Variants in CSMD1 observed in about 807,000 individuals in gnomAD.
The protein encoded by CSMD1 is CUB and Sushi multiple domains 1, also known as CUB and sushi domain-containing protein 1.
Under a neutral mutation model 417.5 loss-of-function variants are expected in CSMD1, and 213 were observed. The ratio of observed to expected loss-of-function variants is 0.51; its 90% confidence interval spans 0.46 to 0.57. CSMD1 has a LOEUF of 0.57. Among genes scored for constraint, CSMD1 ranks in the 20% least tolerant of loss-of-function variants. The pLI is 0.00. For missense variants in CSMD1, 6,923 were observed against 4,529.7 expected, an observed-to-expected ratio of 1.53 and a Z score of -15.17; for synonymous variants, 2,862 against 1,736.8, an observed-to-expected ratio of 1.65 and a Z score of -16.11.
At chr8:4,385,165 G>A (rs1392795251) in intron 3 of CSMD1, among the ~76,000 whole-genome samples, 3 of 42,828 alleles carry the variant, frequency 7.0e-5, no homozygotes, top group African/African-American at 1.8e-4. Flanking sequence ...GACCTCAGGT[G>A]ATCCTCCCCG....
intron 1 of CSMD1, among the ~76,000 whole-genome samples, chr8:4,992,587 C>A (rs1811530112): frequency 6.6e-6 from 1 of 152,200 alleles, no homozygotes; most frequent in Non-Finnish European, 1.5e-5. Flanking sequence ...CTGCCCTCAC[C>A]CCGCTGCGAC....
intron 3 of CSMD1, among the ~76,000 whole-genome samples, chr8:4,128,079 T>C (rs1802871989): frequency 6.6e-6 from 1 of 152,176 alleles, no homozygotes; most frequent in South Asian, 2.1e-4. Flanking sequence ...GACCTCAAAA[T>C]GGTTCCTCAA....
At chr8:3,776,499 C>G (rs545278141) in intron 5 of CSMD1, among the ~76,000 whole-genome samples, 13 of 152,304 alleles carry the variant, frequency 8.5e-5, no homozygotes, top group African/African-American at 3.1e-4. Flanking sequence ...TTCCTGCTCT[C>G]TCTTAAACAC....
chr8:4,136,720 T>C (rs1202934145), intron 3 of CSMD1, among the ~76,000 whole-genome samples: 1 of 152,212 alleles, frequency 6.6e-6, no homozygotes, highest in African/African-American at 2.4e-5. Flanking sequence ...TATGTAGCCA[T>C]CAAGCCAACG....
chr8:3,294,953 G>T (rs1803854484), intron 25 of CSMD1, among the ~76,000 whole-genome samples: 1 of 151,912 alleles, frequency 6.6e-6, no homozygotes, highest in South Asian at 2.1e-4. Flanking sequence ...TTCCTATTTG[G>T]CCATCTTGGC....
At chr8:3,533,459 C>T (rs1472559286) in intron 10 of CSMD1, among the ~76,000 whole-genome samples, 1 of 152,068 alleles carries the variant, frequency 6.6e-6, no homozygotes, top group Non-Finnish European at 1.5e-5. Flanking sequence ...CTTTAGATTC[C>T]TCATGTAAGT....
At chr8:4,278,500 C>A (rs1016210813) in intron 3 of CSMD1, among the ~76,000 whole-genome samples, 1 of 152,094 alleles carries the variant, frequency 6.6e-6, no homozygotes, top group Non-Finnish European at 1.5e-5. Flanking sequence ...TAGGTTGACA[C>A]AAAAGTAATT....
At chr8:3,744,439 G>GA (rs2129051307) in intron 6 of CSMD1, among the ~76,000 whole-genome samples, 1 of 152,032 alleles carries the variant, frequency 6.6e-6, no homozygotes, top group African/African-American at 2.4e-5. Flanking sequence ...TTTTAACCAG[G>GA]AAAAAAGTCT....
intron 3 of CSMD1, among the ~76,000 whole-genome samples, chr8:4,401,966 C>T (rs1013545862): frequency 8.5e-5 from 13 of 152,216 alleles, no homozygotes; most frequent in Admixed American, 8.5e-4. Flanking sequence ...TACACTGGCT[C>T]CTTGAAAATT....
chr8:4,366,279 C>T (rs527317474), intron 3 of CSMD1, among the ~76,000 whole-genome samples: 3 of 150,884 alleles, frequency 2.0e-5, no homozygotes, highest in East Asian at 1.9e-4. Context: ...TTTATGGCTG[C>T]ATAGTGTCTC....
At chr8:4,301,824 C>G (rs1260095303) in intron 3 of CSMD1, among the ~76,000 whole-genome samples, 2 of 152,298 alleles carry the variant, frequency 1.3e-5, no homozygotes, top group Admixed American at 6.5e-5. Flanking sequence ...TCCCCATAAA[C>G]TTTTCAGAAA....
chr8:3,664,776 G>A (rs1267359886), intron 7 of CSMD1, among the ~76,000 whole-genome samples: 2 of 152,174 alleles, frequency 1.3e-5, no homozygotes, highest in Admixed American at 6.5e-5. Context: ...AGTACATCCT[G>A]ACACTGGTAA....
At chr8:3,929,056 A>C (rs1809955286) in intron 5 of CSMD1, among the ~76,000 whole-genome samples, 1 of 150,480 alleles carries the variant, frequency 6.6e-6, no homozygotes, top group African/African-American at 2.5e-5. Flanking sequence ...CCATCTACTA[A>C]TTGCAGAAAA....
intron 40 of CSMD1, among the ~76,000 whole-genome samples, chr8:3,146,648 C>G (rs1307168378): frequency 6.6e-6 from 1 of 152,122 alleles, no homozygotes; most frequent in Non-Finnish European, 1.5e-5. Flanking sequence ...TTCCCTTGGT[C>G]ATTTTGAGGG....
chr8:4,060,660 A>G (rs1235594477), intron 3 of CSMD1, among the ~76,000 whole-genome samples: 4 of 152,092 alleles, frequency 2.6e-5, no homozygotes. Context: ...GAGAAGCGGC[A>G]CCTGGCATGA....
chr8:4,446,463 A>AC lies in CSMD1; in HGVS notation c.303-26399dup, dbSNP rs200819549. Among the ~76,000 whole-genome samples the AC allele has an allele frequency of 8.3e-3, 1,256 of 152,210 alleles. 20 individuals carry two copies. The highest frequency in any genetic ancestry group is 0.029 in the African/African-American group (1,199 of 41,532). On this transcript the variant is annotated intron_variant, in intron 2 of 69. Coordinates refer to ENST00000635120, the MANE Select transcript of CSMD1 (RefSeq NM_033225.6). ...CTCAGGTGGCTGAGGTGGGACGATCACCGAACTTGGGAGACTGAGGCTGCA... is the reference window on the plus strand; with the variant it reads ...CTCAGGTGGCTGAGGTGGGACGATCACCCGAACTTGGGAGACTGAGGCTGCA...
Position 4,831,497 on chromosome 8 carries a change from G to T in CSMD1, c.85+162835C>A, listed in dbSNP as rs540703947. On this transcript the variant is annotated intron_variant, in intron 1 of 69. Transcript: ENST00000635120. ...TATCATCTTAGAGTTTTGTCAAGAT[G>T]CTGCTCATTGCATGGTACATATTTT... Among the ~76,000 whole-genome samples the T allele has an allele frequency of 2.6e-5, 4 of 152,206 alleles. No homozygotes were observed. In the South Asian group the frequency reaches 8.3e-4, roughly 32 times the overall value.
chr8:3,500,082 A>G (rs1188254026), intron 10 of CSMD1, among the ~76,000 whole-genome samples: 7 of 151,994 alleles, frequency 4.6e-5, no homozygotes, highest in South Asian at 4.2e-4. Flanking sequence ...CCTTCTCCCT[A>G]CAATCGGGAG....
intron 3 of CSMD1, among the ~76,000 whole-genome samples, chr8:4,320,968 A>G (rs1355759168): frequency 1.3e-5 from 2 of 152,256 alleles, no homozygotes; most frequent in Middle Eastern, 3.4e-3. Context: ...TGCCAGGTCC[A>G]GTTTCAGCAT....
Sources: allele counts gnomAD v4.1 joint callset (sites outside exome capture counted in the v4.1 genomes callset), GRCh38; gene constraint gnomAD v4.1.1; transcripts MANE v1.5; gene names NCBI Gene and HGNC (gene_info 2026-07-23, HGNC 2026-07-21).